The following ARHGEF33 variants were observed in gnomAD, a reference collection of about 807,000 sequenced individuals.
The protein encoded by ARHGEF33 is DH and coiled-coil domain-containing protein ENSP00000381780.
A neutral mutation model predicts 101.9 loss-of-function variants in ARHGEF33; 72 were observed. The ratio of observed to expected loss-of-function variants is 0.71; its 90% confidence interval spans 0.58 to 0.86. The LOEUF is 0.86. ARHGEF33 is among the 40% of genes least tolerant of loss of function. The probability of loss-of-function intolerance (pLI) is 0.00; values close to 1 mark genes in which losing one functional copy is unlikely to be tolerated. For synonymous variants in ARHGEF33, 499 were observed against 442.5 expected, an observed-to-expected ratio of 1.13 and a Z score of -1.60; for missense variants, 1,169 against 1,111.3, an observed-to-expected ratio of 1.05 and a Z score of -0.74.
At chr2:38,962,818 T>TCC (rs2124427043) in intron 16 of ARHGEF33, among the ~76,000 whole-genome samples, 1 of 121,136 alleles carries the variant, frequency 8.3e-6, no homozygotes, top group East Asian at 2.5e-4. Context: ...ATCAAGACCA[T>TCC]CCTGGTCAAC....
intron 2 of ARHGEF33, among the ~76,000 whole-genome samples, chr2:38,918,733 T>C (rs1666690018): frequency 6.6e-6 from 1 of 152,124 alleles, no homozygotes; most frequent in Admixed American, 6.6e-5. Flanking sequence ...CTGCTTAAGT[T>C]TTTTCTCCTT....
chr2:38,954,517 C>A, intron 13 of ARHGEF33, 61 bp downstream of exon 13: 1 of 989,660 alleles, frequency 1.0e-6, no homozygotes, highest in Non-Finnish European at 1.6e-6. Context: ...TTGGTTTTGG[C>A]TCCCAACTGA....
intron 2 of ARHGEF33, among the ~76,000 whole-genome samples, chr2:38,918,368 C>T (rs1666680578): frequency 1.3e-5 from 2 of 152,250 alleles, no homozygotes; most frequent in South Asian, 2.1e-4. Context: ...GTGATATGTC[C>T]CAGGTCATGT....
intron 2 of ARHGEF33, among the ~76,000 whole-genome samples, chr2:38,896,948 C>A (rs998215615): frequency 1.3e-5 from 2 of 152,106 alleles, no homozygotes; most frequent in African/African-American, 4.8e-5. Flanking sequence ...CTGAGTCTCA[C>A]TCTGTCACCC....
chr2:38,929,155 G>A, intron 5 of ARHGEF33, 84 bp downstream of exon 5: 4 of 1,073,204 alleles, frequency 3.7e-6, no homozygotes, highest in South Asian at 1.6e-5. Flanking sequence ...TTCTGGCTGG[G>A]CGTGGTGGCT....
chr2:38,929,027 G>A lies in ARHGEF33; in HGVS notation c.196G>A (p.Glu66Lys), dbSNP rs1666934159. Reference sequence around the variant, plus strand: ...GGTTAAGAGCTGCAGATGTTCCATGGAAGAAAAAGTTACTGAGATGAAGAA... The same window carrying A: ...GGTTAAGAGCTGCAGATGTTCCATGAAAGAAAAAGTTACTGAGATGAAGAA... The part of the protein sequence containing the change: ...EKVKSCRCSM[E>K]EKVTEMKNSL... The change falls in exon 5 of 18, where the codon GAA becomes AAA. Residue 66 changes from glutamate to lysine, a missense_variant. Transcript: ENST00000409978. The A allele has an allele frequency of 1.9e-6, 3 of 1,550,860 alleles. No individual in the cohort carries two copies. The highest frequency in any genetic ancestry group is 1.7e-4 in the Middle Eastern group (1 of 6,002).
intron 2 of ARHGEF33, among the ~76,000 whole-genome samples, chr2:38,904,758 A>G (rs1037713472): frequency 5.9e-5 from 9 of 151,984 alleles, no homozygotes; most frequent in Non-Finnish European, 1.2e-4. Context: ...CGCCTATTGC[A>G]GTTTTTGAGC....
At chr2:38,937,017 C>T (rs1299464678) in intron 8 of ARHGEF33, 1 of 140,722 alleles carries the variant, frequency 7.1e-6, no homozygotes, top group Non-Finnish European at 1.5e-5. Context: ...TTTTTTGAGA[C>T]AGAGTCCCAC....
intron 2 of ARHGEF33, among the ~76,000 whole-genome samples, chr2:38,911,550 CTT>C (rs1666510014): frequency 6.6e-6 from 1 of 152,070 alleles, no homozygotes; most frequent in Admixed American, 6.6e-5. Flanking sequence ...GGTCAGGAGA[CTT>C]TTCAGTATTC....
chr2:38,923,794 C>A (rs941258854), intron 4 of ARHGEF33, among the ~76,000 whole-genome samples: 6 of 152,064 alleles, frequency 3.9e-5, no homozygotes, highest in African/African-American at 1.2e-4. Flanking sequence ...TCACTTCATA[C>A]CCTAATCAAA....
At chr2:38,927,879 T>C (rs1666908644) in intron 4 of ARHGEF33, among the ~76,000 whole-genome samples, 1 of 152,230 alleles carries the variant, frequency 6.6e-6, no homozygotes. Flanking sequence ...CTGTTGAAAA[T>C]GCTTTTTTCA....
chr2:38,890,686 T>C (rs1032803453), intron 1 of ARHGEF33, among the ~76,000 whole-genome samples: 1 of 152,182 alleles, frequency 6.6e-6, no homozygotes, highest in African/African-American at 2.4e-5. Flanking sequence ...TATGTAGAAA[T>C]CTCTATATCA....
At chr2:38,907,167 G>A (rs558863885) in intron 2 of ARHGEF33, among the ~76,000 whole-genome samples, 1 of 152,282 alleles carries the variant, frequency 6.6e-6, no homozygotes, top group Admixed American at 6.5e-5. Flanking sequence ...GGAAAGTGCT[G>A]TGGTTTTAGT....
intron 14 of ARHGEF33, 69 bp from the exon 15 acceptor site, chr2:38,957,965 G>T: frequency 6.7e-7 from 1 of 1,498,580 alleles, no homozygotes. Context: ...ATCTTTTTTG[G>T]CATAATATGT....
chr2:38,911,062 C>T (rs1032814801), intron 2 of ARHGEF33, among the ~76,000 whole-genome samples: 1 of 152,032 alleles, frequency 6.6e-6, no homozygotes, highest in Non-Finnish European at 1.5e-5. Context: ...AGTGAGATAA[C>T]ATACATGAGA....
At chr2:38,936,573 A>G (rs902409966) in intron 8 of ARHGEF33, among the ~76,000 whole-genome samples, 1 of 152,248 alleles carries the variant, frequency 6.6e-6, no homozygotes, top group African/African-American at 2.4e-5. Flanking sequence ...GAGGATGTAT[A>G]GACCAGAAAC....
chr2:38,918,465 A>C (rs971546318), intron 2 of ARHGEF33, among the ~76,000 whole-genome samples: 1 of 152,156 alleles, frequency 6.6e-6, no homozygotes, highest in African/African-American at 2.4e-5. Context: ...AAGTCTCATA[A>C]GGCAGGGGAA....
intron 2 of ARHGEF33, among the ~76,000 whole-genome samples, chr2:38,911,041 C>T (rs139620444): frequency 6.6e-4 from 100 of 152,022 alleles, no homozygotes; most frequent in African/African-American, 2.1e-3. Context: ...ACAGCATTGC[C>T]GTAGTGATCA....
intron 16 of ARHGEF33, among the ~76,000 whole-genome samples, chr2:38,965,458 G>C (rs1668032590): frequency 6.6e-6 from 1 of 152,206 alleles, no homozygotes; most frequent in Non-Finnish European, 1.5e-5. Flanking sequence ...CAGGTTGAAA[G>C]TATTAGTTGA....
Sources: allele counts gnomAD v4.1 joint callset (sites outside exome capture counted in the v4.1 genomes callset), GRCh38; gene constraint gnomAD v4.1.1; transcripts MANE v1.5; gene names NCBI Gene and HGNC (gene_info 2026-07-23, HGNC 2026-07-21).